The following SLC5A4 variants were observed in gnomAD, a reference collection of about 807,000 sequenced individuals.
SLC5A4 encodes probable glucose sensor protein SLC5A4.
A neutral mutation model predicts 70.3 loss-of-function variants in SLC5A4; 55 were observed. The ratio of observed to expected loss-of-function variants is 0.78; its 90% CI spans 0.63 to 0.98. The LOEUF (loss-of-function observed/expected upper bound fraction) is 0.98, where lower values mean the gene tolerates loss of function less well. Ranked by LOEUF, SLC5A4 falls within the 50% of genes least tolerant of loss-of-function variation. SLC5A4 has a pLI of 0.00. For synonymous variants in SLC5A4, 268 were observed against 305.7 expected, an observed-to-expected ratio of 0.88 and a Z score of 1.29; for missense variants, 735 against 839.2, an observed-to-expected ratio of 0.88 and a Z score of 1.53.
chr22:32,333,760 A>G, the SLC5A4 span, among the ~76,000 whole-genome samples: 167 of 151,700 alleles, frequency 1.1e-3, no homozygotes, highest in African/African-American at 3.9e-3. Flanking sequence ...TGCCACACAG[A>G]CACCCACAAT....
chr22:32,316,781 G>A, the SLC5A4 span, among the ~76,000 whole-genome samples: 2 of 151,744 alleles, frequency 1.3e-5, no homozygotes, highest in East Asian at 1.9e-4. Flanking sequence ...CAGGTGATCC[G>A]CCCACCTCAG....
intron 7 of SLC5A4, among the ~76,000 whole-genome samples, chr22:32,236,905 C>T (rs1344843773): frequency 6.6e-6 from 1 of 152,008 alleles, no homozygotes; most frequent in Admixed American, 6.6e-5. Flanking sequence ...GGGGTTTCAC[C>T]ACGTTAGCCA....
the SLC5A4 span, among the ~76,000 whole-genome samples, chr22:32,322,472 C>G: frequency 6.6e-6 from 1 of 152,024 alleles, no homozygotes; most frequent in Non-Finnish European, 1.5e-5. Flanking sequence ...GTAATCCCAG[C>G]TACTCAGGAG....
At chr22:32,292,230 TATTA>T in the SLC5A4 span, among the ~76,000 whole-genome samples, 1 of 69,388 alleles carries the variant, frequency 1.4e-5, no homozygotes, top group South Asian at 4.2e-4. Flanking sequence ...ATATTCTATA[TATTA>T]TATATATAAT....
chr22:32,274,530 G>A, the SLC5A4 span, among the ~76,000 whole-genome samples: 1 of 152,010 alleles, frequency 6.6e-6, no homozygotes, highest in Non-Finnish European at 1.5e-5. Context: ...ACAATCTCGA[G>A]TATGAAAAAG....
the SLC5A4 span, among the ~76,000 whole-genome samples, chr22:32,330,506 ATGTGTTGGGGGCTGTGTGTGTC>A: frequency 6.0e-4 from 37 of 61,500 alleles, no homozygotes; most frequent in Admixed American, 9.6e-4. Context: ...TCTGGTGTGT[ATGTGTTGGGGGCTGTGTGTGTC>A]TGTGTTGGGG....
chr22:32,290,609 C>T, the SLC5A4 span, among the ~76,000 whole-genome samples: 1 of 151,872 alleles, frequency 6.6e-6, no homozygotes, highest in Non-Finnish European at 1.5e-5. Context: ...ACCTCAGACT[C>T]GGTAACTTAC....
chr22:32,336,591 T>TA, the SLC5A4 span, among the ~76,000 whole-genome samples: 1 of 152,222 alleles, frequency 6.6e-6, no homozygotes, highest in Non-Finnish European at 1.5e-5. Context: ...CTTGGGCTCC[T>TA]AATGGGAGCT....
At chr22:32,265,444 A>G in the SLC5A4 span, among the ~76,000 whole-genome samples, 17 of 152,294 alleles carry the variant, frequency 1.1e-4, no homozygotes, top group Middle Eastern at 0.017. Flanking sequence ...ACCTCCAGAG[A>G]ATCATGAAAC....
upstream of SLC5A4, among the ~76,000 whole-genome samples, chr22:32,255,703 G>T (rs991080309): frequency 6.6e-6 from 1 of 152,176 alleles, no homozygotes; most frequent in African/African-American, 2.4e-5. Flanking sequence ...AGCCAGGAGG[G>T]ACCGAATGCA....
chr22:32,232,755 C>T, intron 9 of SLC5A4, 144 bp downstream of exon 9: 1 of 962,480 alleles, frequency 1.0e-6, no homozygotes, highest in Non-Finnish European at 1.5e-6. Flanking sequence ...CTGCCTTTGA[C>T]CACTGTGCAG....
chr22:32,352,904 A>C, the SLC5A4 span, among the ~76,000 whole-genome samples: 25 of 152,212 alleles, frequency 1.6e-4, no homozygotes, highest in African/African-American at 2.2e-4. Flanking sequence ...TTTAGTCTCC[A>C]TGGCCGCCAC....
upstream of SLC5A4, among the ~76,000 whole-genome samples, chr22:32,257,961 C>T (rs760829175): frequency 6.6e-5 from 10 of 151,658 alleles, no homozygotes; most frequent in Admixed American, 2.0e-4. Context: ...TGAGCCACCT[C>T]GCCCAGCTAA....
At chr22:32,341,682 C>T in the SLC5A4 span, among the ~76,000 whole-genome samples, 1 of 152,324 alleles carries the variant, frequency 6.6e-6, no homozygotes, top group South Asian at 2.1e-4. Flanking sequence ...ATTCTGAAGT[C>T]CTATCCGTGG....
chr22:32,342,519 A>G, the SLC5A4 span, among the ~76,000 whole-genome samples: 1 of 152,220 alleles, frequency 6.6e-6, no homozygotes, highest in African/African-American at 2.4e-5. Context: ...GTGAAAGTTA[A>G]TAATCTTAAT....
At chr22:32,274,158 G>T in the SLC5A4 span, among the ~76,000 whole-genome samples, 1 of 151,466 alleles carries the variant, frequency 6.6e-6, no homozygotes, top group Non-Finnish European at 1.5e-5. Context: ...TCCCGCTTCA[G>T]CCTCCCCAGT....
chr22:32,281,057 AT>A, the SLC5A4 span, among the ~76,000 whole-genome samples: 2 of 152,160 alleles, frequency 1.3e-5, no homozygotes, highest in Non-Finnish European at 2.9e-5. Context: ...GGAAAGACCA[AT>A]ATTTATTCAT....
the SLC5A4 span, among the ~76,000 whole-genome samples, chr22:32,341,139 A>G: frequency 6.6e-6 from 1 of 152,126 alleles, no homozygotes; most frequent in Non-Finnish European, 1.5e-5. Context: ...TTGAGGACTC[A>G]GGCTCTGCAA....
intron 5 of SLC5A4, among the ~76,000 whole-genome samples, chr22:32,242,596 C>T (rs1180942318): frequency 5.3e-5 from 8 of 152,100 alleles, no homozygotes; most frequent in Non-Finnish European, 1.2e-4. Flanking sequence ...GTAGTCCCAG[C>T]TACTTAGGAG....
Sources: gnomAD v4.1 joint callset for allele counts (sites outside exome capture counted in the v4.1 genomes callset) on GRCh38, gnomAD v4.1.1 for gene constraint, MANE v1.5 for transcripts, NCBI Gene and HGNC (gene_info 2026-07-23, HGNC 2026-07-21) for gene names.